Variants in OR51I2 observed in about 807,000 individuals in gnomAD.
OR51I2 encodes the protein olfactory receptor family 51 subfamily I member 2.
OR51I2 carries 6 observed loss-of-function variants against 9.3 expected under a neutral mutation model. That is an observed-to-expected ratio of 0.64 (90% CI 0.35 to 1.27). OR51I2 has a LOEUF of 1.27. OR51I2 is among the 50% of genes most tolerant of loss of function. The pLI, the probability that OR51I2 is intolerant of heterozygous loss-of-function variation, is 0.03. For missense variants in OR51I2, 489 were observed against 396.4 expected (o/e 1.23, Z -1.98); for synonymous variants, 179 against 143.1 (o/e 1.25, Z -1.79).
chr11:5,449,979 T>C (rs1850819474), intron 1 of OR51I2, among the ~76,000 whole-genome samples: 1 of 152,194 alleles, frequency 6.6e-6, no homozygotes. Flanking sequence ...TCTACCTTCT[T>C]TCTGCCCCCA....
At position 5,455,822 on chromosome 11, in the gene OR51I2, C is replaced by T. The variant is rs2471989; in HGVS notation, c.*1395C>T. On this transcript the variant is annotated 3_prime_UTR_variant, in exon 2 of 2. Coordinates refer to ENST00000641930, the MANE Select transcript of OR51I2 (RefSeq NM_001004754.3). ...AAGTACTTGGGATTCAGATTTTTTT[C>T]AAAAATGTCTACAGGTACAATAAGA... is the stretch of plus-strand genomic sequence containing the variant. The T allele has an allele frequency of 2.6e-5, 4 of 151,680 alleles. No individual in the cohort carries two copies. The highest frequency in any genetic ancestry group is 2.1e-4 in the South Asian group (1 of 4,814). The allele number at this position is 151,680 out of a possible 1,614,324, so 9.4% of individuals were successfully genotyped here.
intron 1 of OR51I2, among the ~76,000 whole-genome samples, chr11:5,452,363 G>A (rs573732443): frequency 5.3e-5 from 8 of 151,954 alleles, no homozygotes; most frequent in Admixed American, 2.6e-4. Flanking sequence ...AAAATTAGCC[G>A]GGCATGGTGG....
In OR51I2 at chr11:5,456,021, T is replaced by C. The variant is rs561759345; in HGVS notation, c.*1594T>C. On this transcript the variant is annotated 3_prime_UTR_variant, in exon 2 of 2. Transcript: ENST00000641930. ...TTCTGATTCATATTAGAAGCTCCTA[T>C]TTCAACATGAAATAATAATTTTAAT... is the stretch of plus-strand genomic sequence containing the variant. 107 of 152,342 alleles carry C rather than the reference T, an allele frequency of 7.0e-4. No homozygotes were observed. Among genetic ancestry groups the C allele is most frequent in the African/African-American group, 2.5e-3 (106 of 41,578 alleles). The allele number at this position is 152,342 out of a possible 1,614,324, so 9.4% of individuals were successfully genotyped here.
intron 1 of OR51I2, among the ~76,000 whole-genome samples, chr11:5,450,474 C>T (rs1237955113): frequency 2.0e-5 from 3 of 152,114 alleles, no homozygotes; most frequent in Non-Finnish European, 2.9e-5. Flanking sequence ...GCTTATATAG[C>T]CAGTACCTTC....
At chr11:5,451,137 T>C (rs186947383) in intron 1 of OR51I2, among the ~76,000 whole-genome samples, 1 of 152,320 alleles carries the variant, frequency 6.6e-6, no homozygotes, top group Admixed American at 6.5e-5. Context: ...TCATTTTCTT[T>C]CTCAGTATTA....
In OR51I2 at chr11:5,454,305, C is replaced by A. The variant is rs1401265779; in HGVS notation, c.817C>A (p.His273Asn). 1 of 1,614,202 alleles carries A rather than the reference C, an allele frequency of 6.2e-7. No individual in the cohort carries two copies. Among genetic ancestry groups the A allele is most frequent in the Admixed American group, 1.7e-5 (1 of 60,034 alleles). Reference sequence around the variant, plus strand: ...TGGGAAGCATGTCCCATGCTACATACATGTCCTCATGTCAAATGTGTACCT... The same window carrying A: ...TGGGAAGCATGTCCCATGCTACATAAATGTCCTCATGTCAAATGTGTACCT... Reference protein sequence around the residue: ...RFGKHVPCYIHVLMSNVYLFV... With the variant: ...RFGKHVPCYINVLMSNVYLFV... Residue 273 changes from histidine to asparagine, a missense_variant, in exon 2 of 2, where the codon CAT (histidine) becomes AAT (asparagine). Physicochemically the swap from His to Asn is moderately conservative, Grantham distance 68. Transcript: ENST00000641930.
intron 1 of OR51I2, among the ~76,000 whole-genome samples, chr11:5,450,423 AAAT>A: frequency 6.6e-6 from 1 of 152,268 alleles, no homozygotes; most frequent in African/African-American, 2.4e-5. Context: ...TAATGAATAA[AAAT>A]AAGACATAGG....
At position 5,453,480 on chromosome 11, in the gene OR51I2, T is replaced by C; in HGVS notation, c.-9T>C. The C allele has an allele frequency of 6.6e-7, 1 of 1,508,864 alleles. No individual in the cohort carries two copies. Among genetic ancestry groups the C allele is most frequent in the Non-Finnish European group, 8.9e-7 (1 of 1,129,428 alleles). The allele number at this position is 1,508,864 out of a possible 1,614,324, so 93.5% of individuals were successfully genotyped here. On this transcript the variant is annotated 5_prime_UTR_variant, in exon 2 of 2. Transcript: ENST00000641930. The stretch of plus-strand genomic sequence containing the variant: ...CTGACTCTGAAAAGTACCCTAAGTT[T>C]GTTTTGCTATGGGGTTGTTCAATGT...
Position 5,453,973 on chromosome 11 carries a change from T to C in OR51I2, c.485T>C (p.Leu162Pro). 6.2e-7 allele frequency: 1 copy of C among 1,614,094 alleles called. No homozygotes were observed. Among genetic ancestry groups the C allele is most frequent in the Non-Finnish European group, 8.5e-7 (1 of 1,180,010 alleles). The change falls in exon 2 of 2, where the codon CTT becomes CCT. Residue 162 changes from leucine (L) to proline (P), a missense_variant. Coordinates refer to ENST00000641930, the MANE Select transcript of OR51I2 (RefSeq NM_001004754.3). ...SFITLFPLPF[L>P]IKRLPICRSN... is the part of the protein sequence containing the mutation. The stretch of plus-strand genomic sequence containing the variant: ...ATCACCCTTTTCCCTCTTCCCTTTC[T>C]TATTAAGAGGCTGCCTATCTGCAGA...
In OR51I2 at chr11:5,453,580, T is replaced by A; in HGVS notation, c.92T>A (p.Leu31His). 6.2e-7 allele frequency: 1 copy of A among 1,613,100 alleles called. No individual in the cohort carries two copies. The highest frequency in any genetic ancestry group is 8.5e-7 in the Non-Finnish European group (1 of 1,179,636). ...ESSHSWLSGP[L>H]CVMYAVALGG... ...TCTCACTCCTGGCTGTCAGGGCCCC[T>A]CTGCGTGATGTATGCTGTGGCCCTT... Residue 31 changes from leucine (L) to histidine (H), a missense_variant, in exon 2 of 2, where the codon CTC becomes CAC. Physicochemically the swap from Leu to His is moderately conservative, Grantham distance 99 (BLOSUM62 -3). Transcript: ENST00000641930.
chr11:5,450,069 T>C (rs1210096091), intron 1 of OR51I2, among the ~76,000 whole-genome samples: 2 of 152,086 alleles, frequency 1.3e-5, no homozygotes, highest in Non-Finnish European at 2.9e-5. Flanking sequence ...ATCAAAGCCA[T>C]AAAGGATCTC....
At position 5,450,249 on chromosome 11, in the gene OR51I2, C is replaced by T. The variant is rs1487132716; in HGVS notation, c.-231+885C>T. Reference sequence around the variant, plus strand: ...ATTAAAAATACAAAAATTAGCCAGGCGTGGTGGCAGGCGCCTGTAATTCCA... The same window carrying T: ...ATTAAAAATACAAAAATTAGCCAGGTGTGGTGGCAGGCGCCTGTAATTCCA... On this transcript the variant is annotated intron_variant, in intron 1 of 1. Coordinates refer to ENST00000641930, the MANE Select transcript of OR51I2 (RefSeq NM_001004754.3). 3.3e-5 allele frequency among the ~76,000 whole-genome samples: 5 copies of T among 152,102 alleles called. No homozygotes were observed. In the East Asian group the frequency reaches 5.8e-4, roughly 18 times the overall value.
intron 1 of OR51I2, among the ~76,000 whole-genome samples, chr11:5,451,045 A>C (rs1015849293): frequency 6.6e-6 from 1 of 152,238 alleles, no homozygotes; most frequent in African/African-American, 2.4e-5. Context: ...CTCAGTGTCC[A>C]TATCTGTTAA....
In OR51I2 at chr11:5,454,235, T is replaced by C; in HGVS notation, c.747T>C (p.Leu249=). 6.2e-7 allele frequency: 1 copy of C among 1,614,218 alleles called. No individual in the cohort carries two copies. The highest frequency in any genetic ancestry group is 8.5e-7 in the Non-Finnish European group (1 of 1,180,014). ...NTCVSHILAV[L]AFYVPMIGVS... ...GTGTGTCACATATCCTGGCTGTACTTGCATTTTATGTGCCAATGATTGGGG... is the reference window on the plus strand; with the variant it reads ...GTGTGTCACATATCCTGGCTGTACTCGCATTTTATGTGCCAATGATTGGGG... The change falls in exon 2 of 2, where the codon CTT becomes CTC. Residue 249 remains leucine (L), a synonymous_variant. Coordinates refer to ENST00000641930, the MANE Select transcript of OR51I2 (RefSeq NM_001004754.3).
rs1280497777 is a variant in OR51I2, at chr11:5,453,287, G to A, written c.-202G>A. 5 of 421,354 alleles carry A rather than the reference G, an allele frequency of 1.2e-5. No individual in the cohort carries two copies. Among genetic ancestry groups the A allele is most frequent in the Non-Finnish European group, 2.1e-5 (5 of 239,478 alleles). The allele number at this position is 421,354 out of a possible 1,614,324, so 26.1% of individuals were successfully genotyped here. On this transcript the variant is annotated 5_prime_UTR_variant, in exon 2 of 2. Coordinates refer to ENST00000641930, the MANE Select transcript of OR51I2 (RefSeq NM_001004754.3). ...GAAATATTAGCTCAGCCTGCAGGCT[G>A]ATCATCATAAAATATGAAGAAAAGG...
rs1292575518 is a variant in OR51I2, at chr11:5,453,311, G to C, written c.-178G>C. 2 of 441,820 alleles carry C rather than the reference G, an allele frequency of 4.5e-6. No homozygotes were observed. Among genetic ancestry groups the C allele is most frequent in the Non-Finnish European group, 7.9e-6 (2 of 252,152 alleles). The allele number at this position is 441,820 out of a possible 1,614,324, so 27.4% of individuals were successfully genotyped here. ...TGATCATCATAAAATATGAAGAAAA[G>C]GAGTTTGCCTGCATCATCTCAAAAG... is the stretch of plus-strand genomic sequence containing the variant. On this transcript the variant is annotated 5_prime_UTR_variant, in exon 2 of 2. Transcript: ENST00000641930.
chr11:5,450,335 G>A (rs1850825370), intron 1 of OR51I2, among the ~76,000 whole-genome samples: 1 of 152,136 alleles, frequency 6.6e-6, no homozygotes, highest in Non-Finnish European at 1.5e-5. Context: ...GTTGCAGTGA[G>A]CCAAGATTGC....
chr11:5,453,454 T>C lies in OR51I2; in HGVS notation c.-35T>C. 1 of 1,452,078 alleles carries C rather than the reference T, an allele frequency of 6.9e-7. No homozygotes were observed. The allele number at this position is 1,452,078 out of a possible 1,614,324, so 89.9% of individuals were successfully genotyped here. A position where few individuals can be genotyped will look rare whatever the true frequency, so the allele number is the denominator to read the frequency against. Reference sequence around the variant, plus strand: ...TGTTAGAATTCTCCAAGTCAGAAGATCTGACTCTGAAAAGTACCCTAAGTT... The same window carrying C: ...TGTTAGAATTCTCCAAGTCAGAAGACCTGACTCTGAAAAGTACCCTAAGTT... On this transcript the variant is annotated 5_prime_UTR_variant, in exon 2 of 2. Transcript: ENST00000641930.
chr11:5,453,921 G>C lies in OR51I2; in HGVS notation c.433G>C (p.Gly145Arg), dbSNP rs774911095. 1.9e-6 allele frequency: 3 copies of C among 1,613,934 alleles called. No individual in the cohort carries two copies. The highest frequency in any genetic ancestry group is 2.5e-6 in the Non-Finnish European group (3 of 1,179,948). ...VLTTEVIAAM[G>R]LGAAARSFIT... Reference sequence around the variant, plus strand: ...CACCACTGAAGTCATTGCTGCAATGGGTTTAGGTGCAGCTGCTCGAAGCTT... The same window carrying C: ...CACCACTGAAGTCATTGCTGCAATGCGTTTAGGTGCAGCTGCTCGAAGCTT... The change falls in exon 2 of 2, where the codon GGT (glycine) becomes CGT (arginine). Residue 145 changes from glycine to arginine, a missense_variant. Coordinates refer to ENST00000641930, the MANE Select transcript of OR51I2 (RefSeq NM_001004754.3).
Sources: allele counts gnomAD v4.1 joint callset (sites outside exome capture counted in the v4.1 genomes callset), GRCh38; gene constraint gnomAD v4.1.1; transcripts MANE v1.5; gene names NCBI Gene and HGNC (gene_info 2026-07-23, HGNC 2026-07-21).